Variants in GCH1 observed in about 807,000 individuals in gnomAD.
The protein encoded by GCH1 is GTP cyclohydrolase I.
GCH1 carries 5 observed loss-of-function variants against 25.9 expected under a neutral mutation model. That is an observed-to-expected ratio of 0.19 (90% CI 0.10 to 0.41). GCH1 has a LOEUF of 0.41. Among genes scored for constraint, GCH1 ranks in the 10% least tolerant of loss-of-function variants. The pLI is 1.00. For synonymous variants in GCH1, 159 were observed against 129.6 expected, an observed-to-expected ratio of 1.23 and a Z score of -1.54; for missense variants, 261 against 336.5, an observed-to-expected ratio of 0.78 and a Z score of 1.75.
intron 1 of GCH1, among the ~76,000 whole-genome samples, chr14:54,866,274 TA>T (rs1158088643): frequency 6.6e-6 from 1 of 151,910 alleles, no homozygotes; most frequent in African/African-American, 2.4e-5. Flanking sequence ...TGAAGAGGGA[TA>T]GAGGGAAACA....
chr14:54,843,178 A>G lies in GCH1; in HGVS notation c.*839T>C, dbSNP rs1056399461. On this transcript the variant is annotated 3_prime_UTR_variant, in exon 6 of 6. Transcript: ENST00000491895. Reference sequence around the variant, plus strand: ...ACATGGATCACACAAAGGAAACTCAATAAACCTATAAAGTTAAAACTGAGC... The same window carrying G: ...ACATGGATCACACAAAGGAAACTCAGTAAACCTATAAAGTTAAAACTGAGC... 3 of 1,487,012 alleles carry G rather than the reference A, an allele frequency of 2.0e-6. No homozygotes were observed. Among genetic ancestry groups the G allele is most frequent in the Non-Finnish European group, 2.7e-6 (3 of 1,121,064 alleles). 92.1% of individuals were successfully genotyped at this position (1,487,012 alleles called of 1,614,324 possible).
chr14:54,902,242 C>G, intron 1 of GCH1, 79 bp downstream of exon 1: 1 of 1,492,852 alleles, frequency 6.7e-7, no homozygotes. Context: ...ACTCCGGAAA[C>G]TTCCTGGAGC....
At chr14:54,883,561 C>G (rs1454943228) in intron 1 of GCH1, among the ~76,000 whole-genome samples, 8 of 152,006 alleles carry the variant, frequency 5.3e-5, no homozygotes. Flanking sequence ...CGCCTGTAGT[C>G]CCAGCTACTC....
chr14:54,843,133 A>G lies in GCH1; in HGVS notation c.*884T>C. ...TATAAGATTAAAAAAAAGAAGAAGA[A>G]GAAACATTTTGAGGCATCTACATGG... On this transcript the variant is annotated 3_prime_UTR_variant, in exon 6 of 6. Transcript: ENST00000491895. 1 of 1,525,122 alleles carries G rather than the reference A, an allele frequency of 6.6e-7. No individual in the cohort carries two copies. The highest frequency in any genetic ancestry group is 8.9e-7 in the Non-Finnish European group (1 of 1,126,384). The allele number at this position is 1,525,122 out of a possible 1,614,324, so 94.5% of individuals were successfully genotyped here. A position where few individuals can be genotyped will look rare whatever the true frequency, so the allele number is the denominator to read the frequency against.
At chr14:54,890,454 C>T (rs1002486352) in intron 1 of GCH1, among the ~76,000 whole-genome samples, 14 of 152,122 alleles carry the variant, frequency 9.2e-5, no homozygotes, top group Admixed American at 5.9e-4. Flanking sequence ...GACGAGATCG[C>T]GCCATTGCAC....
At chr14:54,870,807 A>G (rs930421346) in intron 1 of GCH1, among the ~76,000 whole-genome samples, 14 of 152,156 alleles carry the variant, frequency 9.2e-5, no homozygotes, top group Non-Finnish European at 1.3e-4. Context: ...GGGGAGGGGC[A>G]CCCGCCATTG....
At chr14:54,871,935 C>G (rs1227428873) in intron 1 of GCH1, among the ~76,000 whole-genome samples, 1 of 152,090 alleles carries the variant, frequency 6.6e-6, no homozygotes, top group South Asian at 2.1e-4. Context: ...AGGATATCAT[C>G]CAGGAGAACT....
At chr14:54,845,041 C>G (rs564458796) in intron 5 of GCH1, among the ~76,000 whole-genome samples, 1 of 152,036 alleles carries the variant, frequency 6.6e-6, no homozygotes, top group East Asian at 1.9e-4. Flanking sequence ...GGTGTGGTGG[C>G]GGGCACCTGT....
chr14:54,895,960 CA>C (rs1388079999), intron 1 of GCH1, among the ~76,000 whole-genome samples: 1 of 152,252 alleles, frequency 6.6e-6, no homozygotes, highest in Non-Finnish European at 1.5e-5. Flanking sequence ...AAAAGGTGCA[CA>C]AGGAGACAGT....
chr14:54,894,621 G>A (rs548481105), intron 1 of GCH1, among the ~76,000 whole-genome samples: 2 of 152,260 alleles, frequency 1.3e-5, no homozygotes, highest in East Asian at 3.9e-4. Context: ...CAGAAAAATT[G>A]TTTATAGATA....
intron 1 of GCH1, among the ~76,000 whole-genome samples, chr14:54,897,198 C>T (rs79437939): frequency 0.096 from 13,719 of 143,314 alleles, 768 homozygotes; most frequent in East Asian, 0.25. Context: ...TTAGTAGAGA[C>T]GGGGTTCTTG....
rs540331196 is a variant in GCH1, at chr14:54,844,905, C to T, written c.627-762G>A. Among the ~76,000 whole-genome samples the T allele has an allele frequency of 2.0e-3, 311 of 152,352 alleles. 1 individual carries two copies. Among genetic ancestry groups the T allele is most frequent in the Non-Finnish European group, 3.9e-3 (263 of 68,042 alleles). ...ATAAAAATGGCTATTGGCGTGGTGG[C>T]TCACGCCAGTAATCTCAGTATTTTG... On this transcript the variant is annotated intron_variant, in intron 5 of 5. Coordinates refer to ENST00000491895, the MANE Select transcript of GCH1 (RefSeq NM_000161.3).
At chr14:54,875,512 A>G (rs1325754124) in intron 1 of GCH1, among the ~76,000 whole-genome samples, 1 of 152,228 alleles carries the variant, frequency 6.6e-6, no homozygotes, top group Non-Finnish European at 1.5e-5. Flanking sequence ...ACAGCAAAGG[A>G]AACTACCATC....
Position 54,843,265 on chromosome 14 carries a change from A to C in GCH1, c.*752T>G. The C allele has an allele frequency of 7.2e-7, 1 of 1,394,846 alleles. No homozygotes were observed. The highest frequency in any genetic ancestry group is 1.8e-5 in the South Asian group (1 of 55,426). 86.4% of individuals were successfully genotyped at this position (1,394,846 alleles called of 1,614,324 possible). ...AAAATAATGGCTTTTTTAAAAAGGCAAAAGTATCTACACTCTAAATGATAT... is the reference window on the plus strand; with the variant it reads ...AAAATAATGGCTTTTTTAAAAAGGCCAAAGTATCTACACTCTAAATGATAT... On this transcript the variant is annotated 3_prime_UTR_variant, in exon 6 of 6. Coordinates refer to ENST00000491895, the MANE Select transcript of GCH1 (RefSeq NM_000161.3).
intron 3 of GCH1, among the ~76,000 whole-genome samples, chr14:54,856,622 T>C (rs1216288664): frequency 6.6e-6 from 1 of 152,040 alleles, no homozygotes; most frequent in Non-Finnish European, 1.5e-5. Flanking sequence ...CCTGCTAATT[T>C]TGGTATTTTT....
rs1395170097 is a variant in GCH1, at chr14:54,880,759, TATATATATATACTCC to T, written c.344-15338_344-15324del. Among the ~76,000 whole-genome samples the T allele has an allele frequency of 9.5e-5, 7 of 73,956 alleles. 1 individual carries two copies. Among genetic ancestry groups the T allele is most frequent in the East Asian group, 6.3e-4 (1 of 1,590 alleles). The allele number at this position is 73,956 out of a possible 152,430, so 48.5% of individuals were successfully genotyped here. Reference sequence around the variant, plus strand: ...ATACTCCATATATATATACTCCATATATATATATATACTCCATATATATATATACTCCATATATAT... The same window carrying T: ...ATACTCCATATATATATACTCCATATATATATATATATACTCCATATATAT... On this transcript the variant is annotated intron_variant, in intron 1 of 5. Transcript: ENST00000491895.
rs547066775 is a variant in GCH1, at chr14:54,865,254, T to G, written c.453+73A>C. 609 of 734,428 alleles carry G rather than the reference T, an allele frequency of 8.3e-4. 4 individuals carry two copies. In the African/African-American group the frequency reaches 9.4e-3, roughly 11 times the overall value. 45.5% of individuals were successfully genotyped at this position (734,428 alleles called of 1,614,324 possible). On this transcript the variant is annotated intron_variant, in intron 2 of 5. Coordinates refer to ENST00000491895, the MANE Select transcript of GCH1 (RefSeq NM_000161.3). ...ATCAGCAATTGGCAGCTAAAAATTTTAAATATAATTATTCTAATTGAAAAA... is the reference window on the plus strand; with the variant it reads ...ATCAGCAATTGGCAGCTAAAAATTTGAAATATAATTATTCTAATTGAAAAA...
chr14:54,881,052 C>A (rs2040264958), intron 1 of GCH1, among the ~76,000 whole-genome samples: 1 of 151,226 alleles, frequency 6.6e-6, no homozygotes, highest in Non-Finnish European at 1.5e-5. Flanking sequence ...CTTGAACTCC[C>A]AGCCTCAGGT....
At position 54,876,348 on chromosome 14, in the gene GCH1, G is replaced by A. The variant is rs138980049; in HGVS notation, c.344-10912C>T. On this transcript the variant is annotated intron_variant, in intron 1 of 5. Transcript: ENST00000491895. ...CACACACCGGGGCCTGTTGTGGGGT[G>A]CGGGGAGAGGGGAGGGATAGCATTA... Among the ~76,000 whole-genome samples, 319 of 152,206 alleles carry A rather than the reference G, an allele frequency of 2.1e-3. 2 individuals carry two copies. Among genetic ancestry groups the A allele is most frequent in the African/African-American group, 6.7e-3 (278 of 41,526 alleles).
Sources: allele counts gnomAD v4.1 joint callset (sites outside exome capture counted in the v4.1 genomes callset), GRCh38; gene constraint gnomAD v4.1.1; transcripts MANE v1.5; gene names NCBI Gene and HGNC (gene_info 2026-07-23, HGNC 2026-07-21).